Variants in GXYLT2 observed in about 807,000 individuals in gnomAD.
GXYLT2 encodes the protein glucoside xylosyltransferase 2.
GXYLT2 carries 53 observed loss-of-function variants against 45.8 expected under a neutral mutation model. The ratio of observed to expected loss-of-function variants is 1.16; its 90% CI spans 0.93 to 1.46. GXYLT2 has a LOEUF of 1.46. Among genes scored for constraint, GXYLT2 ranks in the 40% most tolerant of loss-of-function variants. The pLI is 0.00. For missense variants in GXYLT2, 551 were observed against 544.4 expected, an observed-to-expected ratio of 1.01 and a Z score of -0.12; for synonymous variants, 219 against 214.2, an observed-to-expected ratio of 1.02 and a Z score of -0.19.
chr3:72,900,982 A>G (rs13089325), intron 1 of GXYLT2, among the ~76,000 whole-genome samples: 43,776 of 150,866 alleles, frequency 0.29, 6,705 homozygotes, highest in Non-Finnish European at 0.34. Flanking sequence ...GTGCAACCCC[A>G]TCTCTACTAA....
At chr3:72,937,471 C>T (rs891736027) in intron 3 of GXYLT2, among the ~76,000 whole-genome samples, 2 of 152,286 alleles carry the variant, frequency 1.3e-5, no homozygotes, top group South Asian at 2.1e-4. Flanking sequence ...ACCCAGGCTG[C>T]GATCTTTAGG....
chr3:72,888,220 C>A lies in GXYLT2; in HGVS notation c.-14C>A, dbSNP rs1248628581. 18 of 989,408 alleles carry A rather than the reference C, an allele frequency of 1.8e-5. No homozygotes were observed. The highest frequency in any genetic ancestry group is 1.9e-5 in the Non-Finnish European group (16 of 835,086). 61.3% of individuals were successfully genotyped at this position (989,408 alleles called of 1,614,324 possible). ...CGAGCCGCCTGGGGGCCGCCGCCGC[C>A]GCCGCGCCGCACCATGAAGCTCCGC... On this transcript the variant is annotated 5_prime_UTR_variant, in exon 1 of 7. Transcript: ENST00000389617.
At chr3:72,932,202 A>G (rs1268814413) in intron 3 of GXYLT2, among the ~76,000 whole-genome samples, 1 of 151,552 alleles carries the variant, frequency 6.6e-6, no homozygotes, top group Non-Finnish European at 1.5e-5. Flanking sequence ...ACAGGTGCCC[A>G]CCACCACGCC....
intron 3 of GXYLT2, chr3:72,927,069 C>G (rs1309199461): frequency 2.6e-5 from 4 of 152,184 alleles, no homozygotes; most frequent in Admixed American, 6.6e-5. Context: ...TCCTGAGTAG[C>G]TGGGACCACA....
chr3:72,934,902 A>G (rs566723794), intron 3 of GXYLT2, among the ~76,000 whole-genome samples: 2 of 152,214 alleles, frequency 1.3e-5, no homozygotes, highest in Non-Finnish European at 2.9e-5. Context: ...AGATTTAAGA[A>G]CACTGACATG....
intron 6 of GXYLT2, among the ~76,000 whole-genome samples, chr3:72,970,504 A>C (rs1438099207): frequency 1.3e-5 from 2 of 152,050 alleles, no homozygotes; most frequent in African/African-American, 4.8e-5. Context: ...AAAAAAGAAA[A>C]TAAATGAAAA....
intron 1 of GXYLT2, among the ~76,000 whole-genome samples, chr3:72,905,329 G>A (rs2107075755): frequency 6.6e-6 from 1 of 152,176 alleles, no homozygotes; most frequent in Middle Eastern, 3.4e-3. Context: ...TGATGGCCAG[G>A]CTGGTCTCGA....
chr3:72,893,268 C>G (rs998243377), intron 1 of GXYLT2, among the ~76,000 whole-genome samples: 12 of 152,224 alleles, frequency 7.9e-5, no homozygotes, highest in African/African-American at 2.9e-4. Context: ...CATTCACTTG[C>G]TCTGCTTCAG....
intron 3 of GXYLT2, among the ~76,000 whole-genome samples, chr3:72,939,306 G>A (rs1289272859): frequency 6.6e-6 from 1 of 152,010 alleles, no homozygotes; most frequent in African/African-American, 2.4e-5. Context: ...AATTAGCCGG[G>A]CGTGGTGGCA....
At position 72,909,062 on chromosome 3, in the gene GXYLT2, CTTTT is replaced by C. The variant is rs71126804; in HGVS notation, c.468+524_468+527del. ...CTTTTCTTTCTTTCTTTCTTCCTTT[CTTTT>C]TTTTTTTTTTTTTTTTTTTTGAGAC... On this transcript the variant is annotated intron_variant, in intron 2 of 6. Coordinates refer to ENST00000389617, the MANE Select transcript of GXYLT2 (RefSeq NM_001080393.2). 4.5e-3 allele frequency among the ~76,000 whole-genome samples: 413 copies of C among 91,106 alleles called. 2 individuals carry two copies. Among genetic ancestry groups the C allele is most frequent in the African/African-American group, 0.016 (382 of 23,246 alleles). The allele number at this position is 91,106 out of a possible 152,430, so 59.8% of individuals were successfully genotyped here. A position where few individuals can be genotyped will look rare whatever the true frequency, so the allele number is the denominator to read the frequency against.
At chr3:72,904,403 A>G (rs896656722) in intron 1 of GXYLT2, among the ~76,000 whole-genome samples, 1 of 152,194 alleles carries the variant, frequency 6.6e-6, no homozygotes. Flanking sequence ...GAGATTTTTC[A>G]TGTAATGTGA....
chr3:72,895,933 A>G (rs549588167), intron 1 of GXYLT2, among the ~76,000 whole-genome samples: 2 of 152,330 alleles, frequency 1.3e-5, no homozygotes, highest in African/African-American at 4.8e-5. Flanking sequence ...TTTACATAAG[A>G]CAATAGAGAA....
chr3:72,952,228 C>T (rs1710542476), intron 3 of GXYLT2, among the ~76,000 whole-genome samples: 1 of 151,974 alleles, frequency 6.6e-6, no homozygotes, highest in Non-Finnish European at 1.5e-5. Flanking sequence ...GTCTCAAACT[C>T]CTGACCTAAA....
chr3:72,914,101 GCTCAGGGCCACATATTTTTTAC>G (rs1333766730), intron 2 of GXYLT2, among the ~76,000 whole-genome samples: 1 of 152,076 alleles, frequency 6.6e-6, no homozygotes, highest in African/African-American at 2.4e-5. Flanking sequence ...CTTCTGGGAA[GCTCAGGGCCACATATTTTTTAC>G]CTCAGGGTGA....
rs150028514 is a variant in GXYLT2, at chr3:72,950,440, G to A, written c.601-4658G>A. 3.1e-3 allele frequency among the ~76,000 whole-genome samples: 474 copies of A among 152,140 alleles called. 1 individual carries two copies. Among genetic ancestry groups the A allele is most frequent in the African/African-American group, 0.011 (450 of 41,486 alleles). On this transcript the variant is annotated intron_variant, in intron 3 of 6. Coordinates refer to ENST00000389617, the MANE Select transcript of GXYLT2 (RefSeq NM_001080393.2). ...CACGCCATTGCACTCCAGCCCAGGCGACAGTGCGAGACTTCATCTCAAAAA... is the reference window on the plus strand; with the variant it reads ...CACGCCATTGCACTCCAGCCCAGGCAACAGTGCGAGACTTCATCTCAAAAA...
At chr3:72,912,519 TATGTACATACAC>T (rs1392963344) in intron 2 of GXYLT2, among the ~76,000 whole-genome samples, 1 of 152,228 alleles carries the variant, frequency 6.6e-6, no homozygotes, top group Admixed American at 6.5e-5. Context: ...ATTACATATA[TATGTACATACAC>T]ATGTACATAC....
chr3:72,889,870 TC>T (rs888015496), intron 1 of GXYLT2, among the ~76,000 whole-genome samples: 1 of 51,180 alleles, frequency 2.0e-5, no homozygotes, highest in Non-Finnish European at 3.7e-5. Context: ...ACCATAACCT[TC>T]CCCCCCACCG....
At chr3:72,956,845 G>A (rs1575812570) in intron 4 of GXYLT2, among the ~76,000 whole-genome samples, 1 of 150,164 alleles carries the variant, frequency 6.7e-6, no homozygotes, top group African/African-American at 2.5e-5. Context: ...AGCCAAGATT[G>A]TGCCACTGCA....
chr3:72,970,255 A>G (rs1440142882), intron 6 of GXYLT2, among the ~76,000 whole-genome samples: 2 of 151,850 alleles, frequency 1.3e-5, no homozygotes, highest in Non-Finnish European at 2.9e-5. Context: ...GGAGGCTGAG[A>G]CAGGTGAATT....
Sources: allele counts gnomAD v4.1 joint callset (sites outside exome capture counted in the v4.1 genomes callset), GRCh38; gene constraint gnomAD v4.1.1; transcripts MANE v1.5; gene names NCBI Gene and HGNC (gene_info 2026-07-23, HGNC 2026-07-21).